Variants in TMEM243 observed in about 807,000 individuals in gnomAD.
TMEM243 encodes the protein transmembrane protein 243, also known as MDR1 and mitochondrial taxol resistance associated.
A neutral mutation model predicts 15.0 loss-of-function variants in TMEM243; 20 were observed. The ratio of observed to expected loss-of-function variants is 1.33; its 90% CI spans 0.94 to 1.93. The LOEUF is 1.93. Among genes scored for constraint, TMEM243 ranks in the 30% most tolerant of loss-of-function variants. TMEM243 has a pLI of 0.00. For synonymous variants in TMEM243, 72 were observed against 52.7 expected, an observed-to-expected ratio of 1.37 and a Z score of -1.59; for missense variants, 156 against 142.1, an observed-to-expected ratio of 1.10 and a Z score of -0.50.
intron 1 of TMEM243, among the ~76,000 whole-genome samples, chr7:87,202,762 A>G (rs1801908396): frequency 6.6e-6 from 1 of 152,244 alleles, no homozygotes; most frequent in Non-Finnish European, 1.5e-5. Flanking sequence ...CAAGGTTCTC[A>G]TCTCATTCTG....
chr7:87,205,452 T>A (rs117742735), intron 1 of TMEM243, among the ~76,000 whole-genome samples: 6,910 of 152,258 alleles, frequency 0.045, 193 homozygotes, highest in Middle Eastern at 0.071. Flanking sequence ...ATGCTGTGTT[T>A]CCCTTTTAAA....
At chr7:87,213,743 C>T (rs1802918239) in intron 1 of TMEM243, among the ~76,000 whole-genome samples, 2 of 151,780 alleles carry the variant, frequency 1.3e-5, no homozygotes, top group African/African-American at 4.8e-5. Context: ...TAACACTAAT[C>T]ATAAAAAGCC....
At chr7:87,206,138 A>G (rs1366631047) in intron 1 of TMEM243, among the ~76,000 whole-genome samples, 1 of 152,328 alleles carries the variant, frequency 6.6e-6, no homozygotes, top group East Asian at 1.9e-4. Flanking sequence ...CACTACCACA[A>G]GAACAGTATG....
At chr7:87,214,548 A>C (rs1006427397) in intron 1 of TMEM243, among the ~76,000 whole-genome samples, 2 of 152,326 alleles carry the variant, frequency 1.3e-5, no homozygotes, top group Admixed American at 6.5e-5. Flanking sequence ...GCTAGGGCTA[A>C]AAAGGCCACA....
At chr7:87,210,944 C>G (rs1239535412) in intron 1 of TMEM243, among the ~76,000 whole-genome samples, 1 of 152,250 alleles carries the variant, frequency 6.6e-6, no homozygotes, top group Non-Finnish European at 1.5e-5. Flanking sequence ...CTTGGACCCT[C>G]TTAAGCAACA....
intron 1 of TMEM243, among the ~76,000 whole-genome samples, chr7:87,200,269 C>T (rs1011472793): frequency 3.9e-5 from 6 of 152,176 alleles, no homozygotes; most frequent in East Asian, 3.9e-4. Flanking sequence ...CACACCCTAA[C>T]TCCAGAGGAC....
At chr7:87,197,896 A>G (rs1034717385) in intron 3 of TMEM243, 45 bp downstream of exon 3, 11 of 1,612,136 alleles carry the variant, frequency 6.8e-6, no homozygotes, top group African/African-American at 4.0e-5. Context: ...GTGCATTGCA[A>G]CTTAAACCCT....
At position 87,198,999 on chromosome 7, in the gene TMEM243, ATACT is replaced by A; in HGVS notation, c.129+4_129+7del. On this transcript the variant is annotated splice_donor_5th_base_variant and intron_variant, in intron 2 of 3. Transcript: ENST00000257637. ...AGCCTGGGTGAGGCACAAAATGAGGATACTTACTAGAATCAATAAGGATGTTAAG... is the reference window on the plus strand; with the variant it reads ...AGCCTGGGTGAGGCACAAAATGAGGATACTAGAATCAATAAGGATGTTAAG... 6.3e-7 allele frequency: 1 copy of A among 1,595,790 alleles called. No individual in the cohort carries two copies. The highest frequency in any genetic ancestry group is 1.4e-5 in the African/African-American group (1 of 73,372).
rs752108970 is a variant in TMEM243, at chr7:87,219,465, G to C, written c.39C>G (p.Gly13=). 2 of 1,614,202 alleles carry C rather than the reference G, an allele frequency of 1.2e-6. No homozygotes were observed. Among genetic ancestry groups the C allele is most frequent in the Non-Finnish European group, 8.5e-7 (1 of 1,180,026 alleles). ...CCCCAAACAGAGGTCTGTTGTCCAGGCCACTGGTGCCGTAGGTCCTGGTAG... is the reference window on the plus strand; with the variant it reads ...CCCCAAACAGAGGTCTGTTGTCCAGCCCACTGGTGCCGTAGGTCCTGGTAG... ...DFATRTYGTS[G]LDNRPLFGET... The change falls in exon 1 of 4, where the codon GGC becomes GGG. Residue 13 remains glycine (G), a synonymous_variant. Transcript: ENST00000257637.
At chr7:87,202,360 G>A (rs867142296) in intron 1 of TMEM243, among the ~76,000 whole-genome samples, 4 of 152,164 alleles carry the variant, frequency 2.6e-5, no homozygotes, top group Non-Finnish European at 4.4e-5. Context: ...CAAAAGCATT[G>A]CTGTTACAAA....
chr7:87,215,626 A>G (rs979989320), intron 1 of TMEM243, among the ~76,000 whole-genome samples: 7 of 152,152 alleles, frequency 4.6e-5, no homozygotes, highest in Non-Finnish European at 8.8e-5. Context: ...GAAACTTCAG[A>G]TATTTCTTAT....
chr7:87,208,888 G>A (rs775386256), intron 1 of TMEM243, among the ~76,000 whole-genome samples: 7 of 152,268 alleles, frequency 4.6e-5, no homozygotes, highest in East Asian at 1.9e-4. Context: ...AGGTGCCACC[G>A]TATGGCTGGG....
In TMEM243 at chr7:87,196,330, C is replaced by CAAGATTTGTTTT. The variant is rs1339481747; in HGVS notation, c.*294_*305dup. ...ATAAAAGAATATTTGTCTTAAGATG[C>CAAGATTTGTTTT]AAGATTTGTTTTTACATAGCCTTTT... On this transcript the variant is annotated 3_prime_UTR_variant, in exon 4 of 4. Transcript: ENST00000257637. 1.8e-5 allele frequency: 4 copies of CAAGATTTGTTTT among 224,918 alleles called. No individual in the cohort carries two copies. The highest frequency in any genetic ancestry group is 2.6e-5 in the Non-Finnish European group (3 of 116,080). 13.9% of individuals were successfully genotyped at this position (224,918 alleles called of 1,614,324 possible).
At chr7:87,197,364 T>C (rs929992209) in intron 3 of TMEM243, among the ~76,000 whole-genome samples, 2 of 152,078 alleles carry the variant, frequency 1.3e-5, no homozygotes, top group African/African-American at 4.8e-5. Context: ...CATGAAACAA[T>C]GTAGCCAACT....
chr7:87,213,792 T>TA (rs1802924004), intron 1 of TMEM243, among the ~76,000 whole-genome samples: 1 of 150,896 alleles, frequency 6.6e-6, no homozygotes, highest in African/African-American at 2.4e-5. Context: ...TTTTTTTTTT[T>TA]ATTGGGGGGA....
At chr7:87,216,268 C>G (rs199920610) in intron 1 of TMEM243, among the ~76,000 whole-genome samples, 1 of 60,836 alleles carries the variant, frequency 1.6e-5, no homozygotes. Flanking sequence ...AGTGAGACTC[C>G]GTCTCAAAAA....
Position 87,219,686 on chromosome 7 carries a change from C to T in TMEM243, c.-183G>A. The T allele has an allele frequency of 1.7e-6, 1 of 602,424 alleles. No individual in the cohort carries two copies. 37.3% of individuals were successfully genotyped at this position (602,424 alleles called of 1,614,324 possible). On this transcript the variant is annotated 5_prime_UTR_variant, in exon 1 of 4. Transcript: ENST00000257637. ...ACACGCGGGGAACGCGACTGCTCCG[C>T]CCCGGCCCCGCGCACCTCCTCATCT... is the stretch of plus-strand genomic sequence containing the variant.
chr7:87,200,390 C>CT (rs747838580), intron 1 of TMEM243, among the ~76,000 whole-genome samples: 4 of 152,196 alleles, frequency 2.6e-5, no homozygotes, highest in Non-Finnish European at 5.9e-5. Flanking sequence ...TCACCACTCA[C>CT]TTTAACTTCT....
At chr7:87,206,809 C>A (rs1802256462) in intron 1 of TMEM243, among the ~76,000 whole-genome samples, 1 of 152,206 alleles carries the variant, frequency 6.6e-6, no homozygotes, top group African/African-American at 2.4e-5. Flanking sequence ...CAGTGTGGCA[C>A]ACTGTAAGCA....
Sources: allele counts gnomAD v4.1 joint callset (sites outside exome capture counted in the v4.1 genomes callset), GRCh38; gene constraint gnomAD v4.1.1; transcripts MANE v1.5; gene names NCBI Gene and HGNC (gene_info 2026-07-23, HGNC 2026-07-21).